Variants in RIC1 observed in about 807,000 individuals in gnomAD.
RIC1 encodes the protein guanine nucleotide exchange factor subunit RIC1.
In RIC1, 88 loss-of-function variants were observed where a neutral mutation model predicts 169.0. The observed-to-expected ratio is 0.52, with a 90% CI of 0.44 to 0.62. The LOEUF (loss-of-function observed/expected upper bound fraction) is 0.62. Among genes scored for constraint, RIC1 ranks in the 20% least tolerant of loss-of-function variants. The pLI, the probability that RIC1 is intolerant of heterozygous loss-of-function variation, is 0.00. For missense variants in RIC1, 1,877 were observed against 1,725.5 expected, an observed-to-expected ratio of 1.09 and a Z score of -1.56; for synonymous variants, 790 against 601.5, an observed-to-expected ratio of 1.31 and a Z score of -4.59.
intron 22 of RIC1, chr9:5,769,503 A>G: frequency 1.5e-6 from 2 of 1,370,606 alleles, no homozygotes; most frequent in Admixed American, 5.7e-5. Context: ...TACTTGGATT[A>G]TAAAGAAGTT....
chr9:5,735,306 C>G (rs776504031), intron 7 of RIC1, among the ~76,000 whole-genome samples: 9 of 152,300 alleles, frequency 5.9e-5, no homozygotes, highest in African/African-American at 2.2e-4. Flanking sequence ...GCCCACACAT[C>G]AGGCATGGAA....
Position 5,776,044 on chromosome 9 carries a change from A to G in RIC1, c.*1798A>G, listed in dbSNP as rs1827564737. 6.6e-6 allele frequency: 1 copy of G among 152,192 alleles called. No homozygotes were observed. The highest frequency in any genetic ancestry group is 1.5e-5 in the Non-Finnish European group (1 of 68,010). 9.4% of individuals were successfully genotyped at this position (152,192 alleles called of 1,614,324 possible). On this transcript the variant is annotated 3_prime_UTR_variant, in exon 26 of 26. Transcript: ENST00000414202. ...TGGTGTGAATATTCAGTCAATAAAA[A>G]TGATTTACCATTATAAAGAGCTGTG...
intron 1 of RIC1, among the ~76,000 whole-genome samples, chr9:5,631,070 A>T (rs1403030531): frequency 6.6e-6 from 1 of 152,252 alleles, no homozygotes; most frequent in Non-Finnish European, 1.5e-5. Context: ...TGAATTGACC[A>T]GAAGCCTGTA....
Position 5,773,048 on chromosome 9 carries a change from C to T in RIC1, c.3951C>T (p.Leu1317=), listed in dbSNP as rs1425394525. Residue 1317 remains leucine, a synonymous_variant, in exon 25 of 26, where the codon CTC becomes CTT. Coordinates refer to ENST00000414202, the MANE Select transcript of RIC1 (RefSeq NM_020829.4). ...TGTTACAGAACATAAAGACAGGGCT[C>T]CATGCAGTGGACCGATGGGCCTCTA... ...GEMLQNIKTG[L]HAVDRWASTD... 3.1e-6 allele frequency: 5 copies of T among 1,612,990 alleles called. No homozygotes were observed. The highest frequency in any genetic ancestry group is 4.2e-6 in the Non-Finnish European group (5 of 1,179,530).
At position 5,747,194 on chromosome 9, in the gene RIC1, AT is replaced by A. The variant is rs1825428127; in HGVS notation, c.1249-105del. On this transcript the variant is annotated intron_variant, in intron 11 of 25. Transcript: ENST00000414202. Reference sequence around the variant, plus strand: ...AAAATCAACATCGAGATACATGTACATTTCCTATAATAAAACTAAATCGATG... The same window carrying A: ...AAAATCAACATCGAGATACATGTACATTCCTATAATAAAACTAAATCGATG... The A allele has an allele frequency of 6.4e-6, 5 of 783,200 alleles. No homozygotes were observed. The South Asian group carries it at 8.3e-5, about 13-fold the overall frequency. 48.5% of individuals were successfully genotyped at this position (783,200 alleles called of 1,614,324 possible). A position where few individuals can be genotyped will look rare whatever the true frequency, so the allele number is the denominator to read the frequency against.
At chr9:5,696,167 G>T (rs1821892452) in intron 3 of RIC1, among the ~76,000 whole-genome samples, 1 of 151,464 alleles carries the variant, frequency 6.6e-6, no homozygotes, top group Non-Finnish European at 1.5e-5. Context: ...CCTCCTCCTT[G>T]TCTATTAAAA....
At chr9:5,715,143 C>T (rs200084207) in intron 4 of RIC1, among the ~76,000 whole-genome samples, 6 of 152,274 alleles carry the variant, frequency 3.9e-5, no homozygotes, top group South Asian at 4.1e-4. Context: ...AGTTACTCAT[C>T]GCCTTGGTCA....
At chr9:5,679,287 T>G (rs993766335) in intron 2 of RIC1, among the ~76,000 whole-genome samples, 12 of 152,208 alleles carry the variant, frequency 7.9e-5, no homozygotes, top group African/African-American at 2.9e-4. Context: ...GCCTCCAGCT[T>G]TGTTCTTTTG....
At chr9:5,726,450 T>G (rs1222860690) in intron 6 of RIC1, among the ~76,000 whole-genome samples, 2 of 152,250 alleles carry the variant, frequency 1.3e-5, no homozygotes, top group Non-Finnish European at 2.9e-5. Context: ...TGTGTGTCTC[T>G]GCACGTAAGG....
rs562462957 is a variant in RIC1, at chr9:5,683,845, C to T, written c.253-6114C>T. Among the ~76,000 whole-genome samples the T allele has an allele frequency of 2.7e-3, 406 of 152,310 alleles. 1 individual carries two copies. The highest frequency in any genetic ancestry group is 9.5e-3 in the African/African-American group (396 of 41,578). ...TTACCTACTCAAGCCTCGGGAATGG[C>T]GGGCGCCCCTCCCCCAGCCTCGCTG... On this transcript the variant is annotated intron_variant, in intron 2 of 25. Coordinates refer to ENST00000414202, the MANE Select transcript of RIC1 (RefSeq NM_020829.4).
intron 3 of RIC1, among the ~76,000 whole-genome samples, chr9:5,691,373 A>T (rs745489188): frequency 2.6e-5 from 4 of 151,978 alleles, no homozygotes; most frequent in Non-Finnish European, 4.4e-5. Context: ...TAAATTTTCA[A>T]CTAGTTAGAT....
chr9:5,654,632 C>G (rs1407061162), intron 1 of RIC1, among the ~76,000 whole-genome samples: 1 of 152,094 alleles, frequency 6.6e-6, no homozygotes, highest in Admixed American at 6.5e-5. Context: ...CTGTACCTCC[C>G]AGGTTTAAGC....
At chr9:5,672,582 C>G (rs1332051253) in intron 2 of RIC1, among the ~76,000 whole-genome samples, 1 of 151,968 alleles carries the variant, frequency 6.6e-6, no homozygotes, top group Non-Finnish European at 1.5e-5. Context: ...CCTGCAGGAG[C>G]AAATTCAAGA....
intron 3 of RIC1, among the ~76,000 whole-genome samples, chr9:5,705,245 T>C (rs1161584984): frequency 1.3e-5 from 2 of 150,866 alleles, no homozygotes; most frequent in East Asian, 1.9e-4. Context: ...AGAAATTGCA[T>C]TTAATCTATA....
At chr9:5,747,773 C>G (rs989407701) in intron 12 of RIC1, among the ~76,000 whole-genome samples, 1 of 147,350 alleles carries the variant, frequency 6.8e-6, no homozygotes, top group Non-Finnish European at 1.5e-5. Context: ...TCATTGAGAA[C>G]TATTTATTTT....
chr9:5,699,052 G>A (rs1158431992), intron 3 of RIC1, among the ~76,000 whole-genome samples: 1 of 152,176 alleles, frequency 6.6e-6, no homozygotes, highest in Non-Finnish European at 1.5e-5. Context: ...CTTAGGCAGA[G>A]TATTCATTTA....
Position 5,639,097 on chromosome 9 carries a change from G to A in RIC1, c.144+9644G>A, listed in dbSNP as rs150324248. Among the ~76,000 whole-genome samples, 35 of 152,184 alleles carry A rather than the reference G, an allele frequency of 2.3e-4. No individual in the cohort carries two copies. In the East Asian group the frequency reaches 5.4e-3, roughly 24 times the overall value. On this transcript the variant is annotated intron_variant, in intron 1 of 25. Coordinates refer to ENST00000414202, the MANE Select transcript of RIC1 (RefSeq NM_020829.4). ...TGCCCAGCTAATTTTTGTAGAGACAGGATTTCACCATGTTTCCCAGGCTGT... is the reference window on the plus strand; with the variant it reads ...TGCCCAGCTAATTTTTGTAGAGACAAGATTTCACCATGTTTCCCAGGCTGT...
intron 7 of RIC1, among the ~76,000 whole-genome samples, chr9:5,736,822 G>A (rs1414025989): frequency 2.0e-5 from 3 of 152,082 alleles, no homozygotes; most frequent in Admixed American, 2.0e-4. Flanking sequence ...AGAAAAAAAA[G>A]AAAACAAAAA....
At chr9:5,715,056 C>G (rs1823149265) in intron 4 of RIC1, among the ~76,000 whole-genome samples, 1 of 152,208 alleles carries the variant, frequency 6.6e-6, no homozygotes, top group African/African-American at 2.4e-5. Context: ...CCATCCCCTT[C>G]ATATCTTATT....
Sources: gnomAD v4.1 joint callset for allele counts (sites outside exome capture counted in the v4.1 genomes callset) on GRCh38, gnomAD v4.1.1 for gene constraint, MANE v1.5 for transcripts, NCBI Gene and HGNC (gene_info 2026-07-23, HGNC 2026-07-21) for gene names.